The following KLHL15 variants were observed in gnomAD, a reference collection of about 807,000 sequenced individuals.
KLHL15 encodes kelch-like protein 15.
A neutral mutation model predicts 29.3 loss-of-function variants in KLHL15; 1 was observed. That is an observed-to-expected ratio of 0.03 (90% CI 0.01 to 0.16). KLHL15 has a LOEUF of 0.16. Among genes scored for constraint, KLHL15 ranks in the 10% least tolerant of loss-of-function variants. The pLI, the probability that KLHL15 is intolerant of heterozygous loss-of-function variation, is 1.00. For synonymous variants in KLHL15, 212 were observed against 184.5 expected (o/e 1.15, Z -1.21); for missense variants, 215 against 478.5 (o/e 0.45, Z 5.14).
chrX:24,003,172 G>A (rs890612503), intron 3 of KLHL15, among the ~76,000 whole-genome samples: 1 of 111,947 alleles, frequency 8.9e-6, no homozygotes, highest in East Asian at 2.8e-4. Context: ...CTGGCTTTCA[G>A]TCTGGACAGT....
rs138916988 is a variant in KLHL15 at position 23,994,679 on chromosome X, G to T, written c.706-5649C>A. Among the ~76,000 whole-genome samples, 220 of 111,785 alleles carry T rather than the reference G, an allele frequency of 2.0e-3. 1 individual carries two copies. The highest frequency in any genetic ancestry group is 6.2e-3 in the African/African-American group (191 of 30,858). On this transcript the variant is annotated intron_variant, in intron 3 of 3. Coordinates refer to ENST00000328046, the MANE Select transcript of KLHL15 (RefSeq NM_030624.3). ...GAATTACTTTCCTTTGCCTTTCACAGGATTAAACAGCTGTCATGTTTTAAA... is the reference window on the plus strand; with the variant it reads ...GAATTACTTTCCTTTGCCTTTCACATGATTAAACAGCTGTCATGTTTTAAA...
intron 2 of KLHL15, among the ~76,000 whole-genome samples, chrX:24,008,871 G>GAGAA (rs1555977227): frequency 1.3e-5 from 1 of 74,541 alleles, no homozygotes; most frequent in Admixed American, 1.5e-4. Context: ...ACGCGTGTTA[G>GAGAA]AAAAAAAAAA....
chrX:23,999,643 C>T (rs1292050641), intron 3 of KLHL15, among the ~76,000 whole-genome samples: 11 of 105,496 alleles, frequency 1.0e-4, no homozygotes, highest in South Asian at 8.9e-4. Flanking sequence ...TGAACTTTTA[C>T]ACTCCAATTT....
chrX:23,990,500 G>A (rs1277097884), intron 3 of KLHL15, among the ~76,000 whole-genome samples: 1 of 111,967 alleles, frequency 8.9e-6, no homozygotes, highest in East Asian at 2.8e-4. Context: ...GAATTAGATA[G>A]CGTAGAGATA....
At position 24,006,663 on chromosome X, in the gene KLHL15, A is replaced by G; in HGVS notation, c.31T>C (p.Ser11Pro). MAGDVEGFCS[S>P]IHDTSVSAGF... ...GCAGAGACACTGGTGTCGTGGATGG[A>G]GGAACAGAATCCTTCCACGTCCCCT... The change falls in exon 3 of 4, where the codon TCC becomes CCC. Residue 11 changes from serine (S) to proline (P), a missense_variant. Ser to Pro is a moderately conservative substitution (Grantham distance 74). Transcript: ENST00000328046. 2 of 1,205,040 alleles carry G rather than the reference A, an allele frequency of 1.7e-6. No individual in the cohort carries two copies. Among genetic ancestry groups the G allele is most frequent in the African/African-American group, 3.5e-5 (2 of 57,647 alleles).
intron 2 of KLHL15, among the ~76,000 whole-genome samples, chrX:24,015,712 A>T (rs994888918): frequency 3.6e-5 from 4 of 112,543 alleles, no homozygotes; most frequent in African/African-American, 9.7e-5. Context: ...AAAATGTAAA[A>T]TCTGGACCGG....
At chrX:24,011,624 A>G (rs1216527995) in intron 2 of KLHL15, among the ~76,000 whole-genome samples, 1 of 110,368 alleles carries the variant, frequency 9.1e-6, no homozygotes, top group African/African-American at 3.3e-5. Flanking sequence ...AGCCTGGGCA[A>G]CAGGGCAAGA....
At chrX:24,018,859 CA>C (rs1929745940) in intron 2 of KLHL15, among the ~76,000 whole-genome samples, 1 of 110,667 alleles carries the variant, frequency 9.0e-6, no homozygotes, top group South Asian at 3.8e-4. Context: ...AAAACTTAGC[CA>C]GGGGTGATGG....
At chrX:24,013,772 C>G (rs1192352287) in intron 2 of KLHL15, among the ~76,000 whole-genome samples, 1 of 109,465 alleles carries the variant, frequency 9.1e-6, no homozygotes, top group Non-Finnish European at 1.9e-5. Context: ...CTTTGGGAGG[C>G]CAAGGCGGGA....
At chrX:24,001,352 A>G (rs915078554) in intron 3 of KLHL15, among the ~76,000 whole-genome samples, 1 of 111,486 alleles carries the variant, frequency 9.0e-6, no homozygotes, top group African/African-American at 3.3e-5. Context: ...TTCTAAGGGG[A>G]TCATTGGGAT....
At chrX:24,004,463 A>T (rs1929402821) in intron 3 of KLHL15, among the ~76,000 whole-genome samples, 1 of 112,501 alleles carries the variant, frequency 8.9e-6, no homozygotes, top group East Asian at 2.8e-4. Context: ...TACATAATTG[A>T]TGTGGGGCTG....
chrX:24,003,574 A>C (rs747251655), intron 3 of KLHL15, among the ~76,000 whole-genome samples: 48 of 107,709 alleles, frequency 4.5e-4, no homozygotes, highest in African/African-American at 1.3e-3. Flanking sequence ...AAAAAAAAAA[A>C]ACAAAAAAAA....
chrX:24,020,735 A>G (rs1340276737), intron 2 of KLHL15, among the ~76,000 whole-genome samples: 1 of 111,996 alleles, frequency 8.9e-6, no homozygotes, highest in Non-Finnish European at 1.9e-5. Flanking sequence ...TAGAGATTGG[A>G]TCCAGTGAGA....
intron 2 of KLHL15, among the ~76,000 whole-genome samples, chrX:24,024,541 T>C (rs912725828): frequency 1.8e-5 from 2 of 112,238 alleles, no homozygotes; most frequent in African/African-American, 3.2e-5. Context: ...CCTCGCATTT[T>C]GCATAGTTCT....
At chrX:24,016,528 G>A (rs1476865835) in intron 2 of KLHL15, among the ~76,000 whole-genome samples, 2 of 108,031 alleles carry the variant, frequency 1.9e-5, no homozygotes, top group Admixed American at 1.0e-4. Context: ...TTGGCTAGGT[G>A]TTGTGGCTCA....
At chrX:24,010,421 T>C (rs990936738) in intron 2 of KLHL15, among the ~76,000 whole-genome samples, 7 of 112,192 alleles carry the variant, frequency 6.2e-5, no homozygotes, top group Non-Finnish European at 1.1e-4. Flanking sequence ...CAATCTTCAG[T>C]GCCTCTTGGC....
intron 2 of KLHL15, among the ~76,000 whole-genome samples, chrX:24,013,462 G>A (rs1322667438): frequency 2.7e-5 from 3 of 109,598 alleles, no homozygotes; most frequent in Non-Finnish European, 5.7e-5. Context: ...AAGGAGTTTC[G>A]TCATGTTGGC....
intron 2 of KLHL15, among the ~76,000 whole-genome samples, chrX:24,021,977 C>G (rs1929814480): frequency 8.9e-6 from 1 of 111,745 alleles, no homozygotes; most frequent in African/African-American, 3.3e-5. Context: ...AAAGGCCAGG[C>G]TTGACAACAG....
intron 2 of KLHL15, among the ~76,000 whole-genome samples, chrX:24,011,167 C>T (rs925650455): frequency 3.7e-5 from 2 of 53,976 alleles, no homozygotes; most frequent in African/African-American, 1.2e-4. Flanking sequence ...AAAGTCATCT[C>T]AAAAAAAAAA....
Sources: allele counts gnomAD v4.1 joint callset (sites outside exome capture counted in the v4.1 genomes callset), GRCh38; gene constraint gnomAD v4.1.1; transcripts MANE v1.5; gene names NCBI Gene and HGNC (gene_info 2026-07-23, HGNC 2026-07-21).